Variants in KCNN3 observed in about 807,000 individuals in gnomAD.
KCNN3 encodes potassium calcium-activated channel subfamily N member 3.
A neutral mutation model predicts 62.9 loss-of-function variants in KCNN3; 16 were observed. The observed-to-expected ratio is 0.25, with a 90% confidence interval of 0.17 to 0.39. KCNN3 has a LOEUF of 0.39. KCNN3 is among the 10% of genes least tolerant of loss of function. KCNN3 has a pLI of 1.00. For missense variants in KCNN3, 599 were observed against 949.4 expected (o/e 0.63, Z 4.85); for synonymous variants, 370 against 389.2 (o/e 0.95, Z 0.58).
intron 1 of KCNN3, among the ~76,000 whole-genome samples, chr1:154,832,943 T>C (rs139733287): frequency 6.6e-6 from 1 of 152,334 alleles, no homozygotes; most frequent in Non-Finnish European, 1.5e-5. Flanking sequence ...CAGATGGCTA[T>C]AACTTGAAAT....
At chr1:154,747,083 A>G (rs1700953375) in intron 3 of KCNN3, among the ~76,000 whole-genome samples, 1 of 152,064 alleles carries the variant, frequency 6.6e-6, no homozygotes, top group Non-Finnish European at 1.5e-5. Flanking sequence ...CCCACCAGCT[A>G]TCCAGCCAGC....
Position 154,840,492 on chromosome 1 carries a change from A to G in KCNN3, c.934-18308T>C, listed in dbSNP as rs553821002. On this transcript the variant is annotated intron_variant, in intron 1 of 7. Coordinates refer to ENST00000271915, the MANE Select transcript of KCNN3 (RefSeq NM_002249.6). The stretch of plus-strand genomic sequence containing the variant: ...GAAGGCTTCCGTGTCCCAAAATCTC[A>G]CAAGCCGCTTCTCACTTTCCTCTCA... Among the ~76,000 whole-genome samples the G allele has an allele frequency of 2.6e-5, 4 of 152,316 alleles. No individual in the cohort carries two copies. In the South Asian group the frequency reaches 6.2e-4, roughly 24 times the overall value.
intron 4 of KCNN3, among the ~76,000 whole-genome samples, chr1:154,727,149 T>C (rs1700487967): frequency 6.6e-6 from 1 of 152,222 alleles, no homozygotes; most frequent in African/African-American, 2.4e-5. Context: ...ACCATCGCCC[T>C]CTGCCTGCAT....
intron 2 of KCNN3, among the ~76,000 whole-genome samples, chr1:154,781,486 G>A (rs1331508719): frequency 6.6e-6 from 1 of 152,234 alleles, no homozygotes; most frequent in African/African-American, 2.4e-5. Flanking sequence ...ATTCAGAGCT[G>A]TTGTAGTTGA....
At chr1:154,793,854 G>A (rs546419932) in intron 2 of KCNN3, among the ~76,000 whole-genome samples, 2 of 152,126 alleles carry the variant, frequency 1.3e-5, no homozygotes, top group African/African-American at 2.4e-5. Flanking sequence ...GTGTGGAGGC[G>A]GATTCATTCC....
At chr1:154,832,753 G>A (rs1651424791) in intron 1 of KCNN3, among the ~76,000 whole-genome samples, 2 of 152,200 alleles carry the variant, frequency 1.3e-5, no homozygotes, top group South Asian at 2.1e-4. Flanking sequence ...GAAAGCTGTG[G>A]GCTCCCTGTT....
At chr1:154,775,350 C>G (rs1054081058) in intron 2 of KCNN3, among the ~76,000 whole-genome samples, 4 of 152,082 alleles carry the variant, frequency 2.6e-5, no homozygotes, top group African/African-American at 9.7e-5. Context: ...ATTCATGGGC[C>G]CTGAGAGGCA....
chr1:154,796,050 G>A (rs1649723611), intron 2 of KCNN3, among the ~76,000 whole-genome samples: 1 of 152,216 alleles, frequency 6.6e-6, no homozygotes, highest in South Asian at 2.1e-4. Context: ...ATGAGGTGAG[G>A]TGGTGCAGAA....
chr1:154,792,678 G>C (rs1359680804), intron 2 of KCNN3, among the ~76,000 whole-genome samples: 1 of 152,208 alleles, frequency 6.6e-6, no homozygotes, highest in Non-Finnish European at 1.5e-5. Flanking sequence ...GAGACGGAAA[G>C]AGAGAGAATT....
intron 2 of KCNN3, among the ~76,000 whole-genome samples, chr1:154,803,705 G>A (rs1571292366): frequency 6.6e-6 from 1 of 152,244 alleles, no homozygotes; most frequent in Non-Finnish European, 1.5e-5. Context: ...CCTGGGCAGT[G>A]TACAGCTGTT....
rs116541875 is a variant in KCNN3, at chr1:154,717,720, C to T, written c.1702-2717G>A. On this transcript the variant is annotated intron_variant, in intron 5 of 7. Transcript: ENST00000271915. ...CTTTATGAGTTTGGAGGGAGGCCTC[C>T]GTGCATTCGGGAAAGTGATGTTAAC... Among the ~76,000 whole-genome samples, 531 of 152,234 alleles carry T rather than the reference C, an allele frequency of 3.5e-3. 5 individuals carry two copies. The highest frequency in any genetic ancestry group is 0.012 in the African/African-American group (513 of 41,524).
chr1:154,792,743 A>T (rs977415389), intron 2 of KCNN3, among the ~76,000 whole-genome samples: 2 of 152,324 alleles, frequency 1.3e-5, no homozygotes, highest in Admixed American at 1.3e-4. Context: ...GGACCTATTC[A>T]TGTGGGAGAG....
At chr1:154,808,378 C>A (rs1345432260) in intron 2 of KCNN3, among the ~76,000 whole-genome samples, 1 of 152,124 alleles carries the variant, frequency 6.6e-6, no homozygotes, top group African/African-American at 2.4e-5. Flanking sequence ...CCCTAGAGGA[C>A]CCTCGACCCA....
At chr1:154,837,065 T>C (rs911836641) in intron 1 of KCNN3, among the ~76,000 whole-genome samples, 4 of 151,874 alleles carry the variant, frequency 2.6e-5, no homozygotes, top group African/African-American at 9.7e-5. Context: ...TTCCACTGAC[T>C]AAACAGATAC....
At position 154,869,529 on chromosome 1, in the gene KCNN3, T is replaced by C; in HGVS notation, c.436A>G (p.Thr146Ala). The change falls in exon 1 of 8, where the codon ACA becomes GCA. Residue 146 changes from threonine (T) to alanine (A), a missense_variant. Around this residue, in one of 7 missense-constraint regions of KCNN3, gnomAD observed 112 missense variants for 142.9 expected, o/e 0.78. Coordinates refer to ENST00000271915, the MANE Select transcript of KCNN3 (RefSeq NM_002249.6). The surrounding 1 kb of genome is among the most constrained non-coding windows in gnomAD (Gnocchi z 6.1). ...CGGCTGCCTCCGCCAGGCCCACTTG[T>C]AGCTGTGGAACTTGGAGAGTGGCCA... ...LLGHSPSSTA[T>A]SGPGGGSRHR... 1.2e-6 allele frequency: 2 copies of C among 1,614,070 alleles called. No homozygotes were observed. Among genetic ancestry groups the C allele is most frequent in the Non-Finnish European group, 1.7e-6 (2 of 1,180,004 alleles).
chr1:154,776,391 G>A lies in KCNN3; in HGVS notation c.1030-3998C>T, dbSNP rs575760216. Among the ~76,000 whole-genome samples, 119 of 152,268 alleles carry A rather than the reference G, an allele frequency of 7.8e-4. 1 individual carries two copies. The highest frequency in any genetic ancestry group is 2.8e-3 in the African/African-American group (115 of 41,542). ...GAGGGATTATTAAGCTGGCTGGCCT[G>A]GGGGCACTCGTAAACAGTGTGTGTA... On this transcript the variant is annotated intron_variant, in intron 2 of 7. Transcript: ENST00000271915.
chr1:154,794,069 G>A (rs1029767101), intron 2 of KCNN3, among the ~76,000 whole-genome samples: 4 of 152,218 alleles, frequency 2.6e-5, no homozygotes, highest in African/African-American at 9.6e-5. Context: ...CAAGGCTGTT[G>A]TGCTCATCTC....
At chr1:154,832,330 A>G (rs1651408230) in intron 1 of KCNN3, among the ~76,000 whole-genome samples, 1 of 151,880 alleles carries the variant, frequency 6.6e-6, no homozygotes, top group Non-Finnish European at 1.5e-5. Context: ...ACCTGCCACT[A>G]TGCATCAGGT....
chr1:154,780,194 CTTTT>C (rs71077969), intron 2 of KCNN3, among the ~76,000 whole-genome samples: 1 of 102,048 alleles, frequency 9.8e-6, no homozygotes, highest in Admixed American at 1.1e-4. Context: ...TTCTTTTTTT[CTTTT>C]TTTTTTTTTT....
Sources: allele counts gnomAD v4.1 joint callset (sites outside exome capture counted in the v4.1 genomes callset), GRCh38; gene constraint gnomAD v4.1.1; regional missense constraint gnomAD v4.1.1; non-coding constraint Gnocchi (gnomAD v3.1); transcripts MANE v1.5; gene names NCBI Gene and HGNC (gene_info 2026-07-23, HGNC 2026-07-21).